Variants in RAP1GAP2 observed in about 807,000 individuals in gnomAD.
RAP1GAP2 encodes the protein rap1 GTPase-activating protein 2.
In RAP1GAP2, 27 loss-of-function variants were observed where a neutral mutation model predicts 95.0. The ratio of observed to expected loss-of-function variants is 0.28; its 90% CI spans 0.21 to 0.39. RAP1GAP2 has a LOEUF of 0.39. Among genes scored for constraint, RAP1GAP2 ranks in the 10% least tolerant of loss-of-function variants. The pLI is 1.00. For synonymous variants in RAP1GAP2, 373 were observed against 380.9 expected (o/e 0.98, Z 0.24); for missense variants, 771 against 970.0 (o/e 0.79, Z 2.72).
intron 2 of RAP1GAP2, among the ~76,000 whole-genome samples, chr17:2,771,536 C>A (rs183604734): frequency 1.4e-5 from 2 of 144,690 alleles, no homozygotes; most frequent in East Asian, 4.0e-4. Flanking sequence ...TCTTGTCGTC[C>A]AGGCTGGAGT....
At chr17:2,968,120 G>T (rs1429429672) in intron 8 of RAP1GAP2, among the ~76,000 whole-genome samples, 1 of 152,116 alleles carries the variant, frequency 6.6e-6, no homozygotes, top group African/African-American at 2.4e-5. Context: ...GAATTTGAGA[G>T]ATTTATTAAC....
chr17:2,960,533 A>G (rs1392231122), intron 4 of RAP1GAP2, among the ~76,000 whole-genome samples: 1 of 152,192 alleles, frequency 6.6e-6, no homozygotes, highest in Non-Finnish European at 1.5e-5. Flanking sequence ...CACCCAGTTA[A>G]CAGGAGCCCT....
At chr17:2,806,349 G>A (rs1008061234) in intron 2 of RAP1GAP2, among the ~76,000 whole-genome samples, 14 of 143,818 alleles carry the variant, frequency 9.7e-5, no homozygotes, top group African/African-American at 3.8e-4. Flanking sequence ...CAGCCAGGAA[G>A]CTTGATTTCT....
intron 8 of RAP1GAP2, among the ~76,000 whole-genome samples, chr17:2,978,082 C>T (rs1396323966): frequency 6.6e-6 from 1 of 152,154 alleles, no homozygotes; most frequent in Non-Finnish European, 1.5e-5. Flanking sequence ...GTGGGCATAA[C>T]TTTTGCAGTT....
Position 3,006,025 on chromosome 17 carries a change from A to C in RAP1GAP2, c.1343A>C (p.Lys448Thr). ...GAGAACGCCTGCTGCAAGTCGGACA[A>C]GTTTGCAAAGCTGGAGGTGAGAGTG... is the stretch of plus-strand genomic sequence containing the variant. ...NAENACCKSD[K>T]FAKLEDRTRA... The change falls in exon 16 of 25, where the codon AAG (lysine) becomes ACG (threonine). Residue 448 changes from lysine to threonine, a missense_variant. Coordinates refer to ENST00000254695, the MANE Select transcript of RAP1GAP2 (RefSeq NM_015085.5). 1.2e-6 allele frequency: 2 copies of C among 1,612,866 alleles called. No individual in the cohort carries two copies. The highest frequency in any genetic ancestry group is 8.5e-7 in the Non-Finnish European group (1 of 1,179,420).
intron 2 of RAP1GAP2, among the ~76,000 whole-genome samples, chr17:2,869,525 C>G (rs541472930): frequency 6.6e-6 from 1 of 152,168 alleles, no homozygotes; most frequent in African/African-American, 2.4e-5. Flanking sequence ...ATGGGGTGGG[C>G]TGGCTGGTGG....
chr17:2,852,180 T>A (rs1373763973), intron 2 of RAP1GAP2, among the ~76,000 whole-genome samples: 1 of 152,178 alleles, frequency 6.6e-6, no homozygotes, highest in East Asian at 1.9e-4. Context: ...TTATTCTTTT[T>A]CCAGACCAAT....
chr17:2,893,746 C>T (rs772486645), intron 2 of RAP1GAP2, among the ~76,000 whole-genome samples: 1 of 151,872 alleles, frequency 6.6e-6, no homozygotes, highest in Non-Finnish European at 1.5e-5. Context: ...CAGGCAGAGC[C>T]GCTGACTGCG....
rs374096764 is a variant in RAP1GAP2 at position 2,800,592 on chromosome 17, C to A, written c.80+42C>A. On this transcript the variant is annotated intron_variant, in intron 2 of 24. Coordinates refer to ENST00000254695, the MANE Select transcript of RAP1GAP2 (RefSeq NM_015085.5). Reference sequence around the variant, plus strand: ...TGTTCTGTAAAGGTCAGAGATGACGCGGATCAGAGCGCCGGGCCCTTGCTC... The same window carrying A: ...TGTTCTGTAAAGGTCAGAGATGACGAGGATCAGAGCGCCGGGCCCTTGCTC... The A allele has an allele frequency of 3.8e-6, 6 of 1,594,972 alleles. No individual in the cohort carries two copies. In the African/African-American group the frequency reaches 8.0e-5, roughly 21 times the overall value.
At chr17:2,998,170 C>G in intron 13 of RAP1GAP2, 51 bp from the exon 14 acceptor site, 2 of 1,574,440 alleles carry the variant, frequency 1.3e-6, no homozygotes, top group Non-Finnish European at 1.7e-6. Context: ...CCCAAAACAT[C>G]TTTCATGATT....
chr17:2,804,955 CTTTCGTATT>C (rs2069452769), intron 2 of RAP1GAP2, among the ~76,000 whole-genome samples: 1 of 152,178 alleles, frequency 6.6e-6, no homozygotes. Context: ...GCCTTGAATC[CTTTCGTATT>C]TTTCTCAGGA....
chr17:2,976,997 C>T (rs1213287462), intron 8 of RAP1GAP2, among the ~76,000 whole-genome samples: 5 of 151,420 alleles, frequency 3.3e-5, no homozygotes, highest in African/African-American at 4.9e-5. Flanking sequence ...ATTAGTCAGG[C>T]GAGTTGGCGG....
intron 1 of RAP1GAP2, among the ~76,000 whole-genome samples, chr17:2,780,981 C>T (rs2068632339): frequency 6.6e-6 from 1 of 152,130 alleles, no homozygotes; most frequent in African/African-American, 2.4e-5. Context: ...TGTTGCAACC[C>T]TTCAGGGATT....
rs562754139 is a variant in RAP1GAP2, at chr17:2,919,761, A to G, written c.165+14393A>G. Among the ~76,000 whole-genome samples, 331 of 151,764 alleles carry G rather than the reference A, an allele frequency of 2.2e-3. 2 individuals are homozygous for G. The highest frequency in any genetic ancestry group is 7.4e-3 in the African/African-American group (307 of 41,378). ...TCTGTTGCCCAGGCTGGAGTGCAGT[A>G]GCGCGATCTCGGCTCACTGCAACCT... On this transcript the variant is annotated intron_variant, in intron 3 of 24. Coordinates refer to ENST00000254695, the MANE Select transcript of RAP1GAP2 (RefSeq NM_015085.5).
intron 1 of RAP1GAP2, among the ~76,000 whole-genome samples, chr17:2,787,985 G>A (rs531556612): frequency 4.7e-4 from 71 of 152,188 alleles, no homozygotes; most frequent in Non-Finnish European, 9.4e-4. Context: ...ATTCTGCAAT[G>A]TAGTTAATCC....
At chr17:3,019,190 C>T (rs11651750) in intron 18 of RAP1GAP2, among the ~76,000 whole-genome samples, 139,164 of 152,198 alleles carry the variant, frequency 0.91, 63,848 homozygotes, top group Non-Finnish European at 0.95. Context: ...TGAGTTTGGG[C>T]CTGATTGACT....
At chr17:3,015,515 A>G (rs985406690) in intron 17 of RAP1GAP2, among the ~76,000 whole-genome samples, 1 of 152,114 alleles carries the variant, frequency 6.6e-6, no homozygotes, top group African/African-American at 2.4e-5. Context: ...CTGTAGACCC[A>G]GCTCTTCCTA....
At chr17:2,763,596 T>C (rs1173971812) in intron 1 of RAP1GAP2, among the ~76,000 whole-genome samples, 1 of 151,994 alleles carries the variant, frequency 6.6e-6, no homozygotes, top group Non-Finnish European at 1.5e-5. Context: ...CTAGGGAGGC[T>C]GAGGCAGGAG....
chr17:2,918,997 A>C (rs7214883), intron 3 of RAP1GAP2, among the ~76,000 whole-genome samples: 3 of 152,056 alleles, frequency 2.0e-5, no homozygotes, highest in African/African-American at 7.2e-5. Context: ...GAGACCATCT[A>C]GGGGGAAGTA....
Sources: gnomAD v4.1 joint callset for allele counts (sites outside exome capture counted in the v4.1 genomes callset) on GRCh38, gnomAD v4.1.1 for gene constraint, MANE v1.5 for transcripts, NCBI Gene and HGNC (gene_info 2026-07-23, HGNC 2026-07-21) for gene names.